The following FAM107B variants were observed in gnomAD, a reference collection of about 807,000 sequenced individuals.
FAM107B encodes the protein family with sequence similarity 107 member B.
Under a neutral mutation model 31.5 loss-of-function variants are expected in FAM107B, and 21 were observed. The ratio of observed to expected loss-of-function variants is 0.67; its 90% CI spans 0.47 to 0.96. The LOEUF (loss-of-function observed/expected upper bound fraction) is 0.96, where lower values mean the gene tolerates loss of function less well. Ranked by LOEUF, FAM107B falls within the 40% of genes least tolerant of loss-of-function variation. The pLI is 0.00. For synonymous variants in FAM107B, 157 were observed against 141.5 expected (o/e 1.11, Z -0.78); for missense variants, 452 against 377.1 (o/e 1.20, Z -1.64).
chr10:14,708,043 A>G (rs74589304), intron 1 of FAM107B, among the ~76,000 whole-genome samples: 2,943 of 150,728 alleles, frequency 0.02, 80 homozygotes, highest in African/African-American at 0.067. Context: ...TCTCCTTTCC[A>G]TTTCCAGCCC....
At chr10:14,534,263 G>A (rs145683726) in intron 2 of FAM107B, among the ~76,000 whole-genome samples, 1 of 152,172 alleles carries the variant, frequency 6.6e-6, no homozygotes, top group East Asian at 1.9e-4. Context: ...GTAACAAGGG[G>A]GTGAACGGGC....
At chr10:14,672,290 G>T (rs1854579517) in intron 1 of FAM107B, among the ~76,000 whole-genome samples, 1 of 151,984 alleles carries the variant, frequency 6.6e-6, no homozygotes, top group Non-Finnish European at 1.5e-5. Flanking sequence ...ATTTCACCAT[G>T]TTGGTCAAGC....
rs139583941 is a variant in FAM107B, at chr10:14,742,719, T to C, written c.411+31534A>G. ...GAGAGGTAGTAATGGCCATATTTCA[T>C]ATTTTAGCAATTCCACTGTGGATTC... On this transcript the variant is annotated intron_variant, in intron 1 of 4. Coordinates refer to ENST00000181796, the MANE Select transcript of FAM107B (RefSeq NM_031453.4). Among the ~76,000 whole-genome samples, 79 of 152,324 alleles carry C rather than the reference T, an allele frequency of 5.2e-4. No individual in the cohort carries two copies. In the East Asian group the frequency reaches 0.013, roughly 25 times the overall value.
chr10:14,623,038 C>T (rs746634382), intron 2 of FAM107B, among the ~76,000 whole-genome samples: 13 of 152,184 alleles, frequency 8.5e-5, no homozygotes, highest in Non-Finnish European at 1.6e-4. Context: ...CCATCTGATA[C>T]AATTCTCTTA....
chr10:14,737,852 A>AT (rs1420529776), intron 1 of FAM107B, among the ~76,000 whole-genome samples: 3 of 143,978 alleles, frequency 2.1e-5, no homozygotes, highest in Middle Eastern at 3.3e-3. Context: ...CAGTTCATTT[A>AT]TTTTTTTTTC....
At chr10:14,662,725 G>A (rs919280898) in intron 2 of FAM107B, among the ~76,000 whole-genome samples, 1 of 152,212 alleles carries the variant, frequency 6.6e-6, no homozygotes. Context: ...GCACCAATGT[G>A]TATGTGCCTG....
chr10:14,717,059 C>T (rs1274319374), intron 1 of FAM107B, among the ~76,000 whole-genome samples: 1 of 152,154 alleles, frequency 6.6e-6, no homozygotes. Flanking sequence ...CACTGCACTC[C>T]AGCCTGGGGG....
intron 2 of FAM107B, among the ~76,000 whole-genome samples, chr10:14,533,019 T>C (rs1387140161): frequency 6.6e-6 from 1 of 151,702 alleles, no homozygotes; most frequent in Non-Finnish European, 1.5e-5. Context: ...GGAGGGATGG[T>C]GAGGATATAG....
intron 1 of FAM107B, among the ~76,000 whole-genome samples, chr10:14,715,740 C>T (rs1855765203): frequency 6.6e-6 from 1 of 152,214 alleles, no homozygotes; most frequent in Admixed American, 6.5e-5. Flanking sequence ...TGGACATCAG[C>T]ACTCCTTGTT....
At chr10:14,571,725 T>C in intron 2 of FAM107B, 2 of 962,608 alleles carry the variant, frequency 2.1e-6, no homozygotes, top group Non-Finnish European at 2.5e-6. Context: ...GACTACATTA[T>C]TCAACAGCCA....
chr10:14,633,733 A>T (rs1171082811), intron 2 of FAM107B, among the ~76,000 whole-genome samples: 1 of 152,228 alleles, frequency 6.6e-6, no homozygotes, highest in Non-Finnish European at 1.5e-5. Flanking sequence ...TCTCAGAATT[A>T]TAATTTTCCA....
intron 2 of FAM107B, chr10:14,553,541 A>C (rs955869812): frequency 4.2e-5 from 15 of 359,984 alleles, no homozygotes; most frequent in Admixed American, 1.2e-4. Context: ...GGTCCCTGGT[A>C]CCAGGAACCA....
Position 14,559,929 on chromosome 10 carries a change from G to C in FAM107B, c.470-29414C>G, listed in dbSNP as rs573021360. ...GGAACTGTAAGAGCCTTCTCTAAAT[G>C]TGGAGAGAATAATACTAGTATAAAC... is the stretch of plus-strand genomic sequence containing the variant. On this transcript the variant is annotated intron_variant, in intron 2 of 4. Coordinates refer to ENST00000181796, the MANE Select transcript of FAM107B (RefSeq NM_031453.4). Among the ~76,000 whole-genome samples, 22 of 152,214 alleles carry C rather than the reference G, an allele frequency of 1.4e-4. No individual in the cohort carries two copies. The South Asian group carries it at 4.4e-3, about 30-fold the overall frequency.
At chr10:14,611,094 C>T (rs979926517) in intron 2 of FAM107B, among the ~76,000 whole-genome samples, 8 of 152,252 alleles carry the variant, frequency 5.3e-5, no homozygotes, top group East Asian at 1.9e-4. Context: ...CTGCATTTTA[C>T]GTTTTTTTCT....
intron 2 of FAM107B, among the ~76,000 whole-genome samples, chr10:14,598,412 G>A (rs1210037570): frequency 6.6e-6 from 1 of 152,196 alleles, no homozygotes; most frequent in Admixed American, 6.5e-5. Context: ...GCACGAGCAT[G>A]CATGAACCTG....
At chr10:14,745,495 A>G (rs2688865) in intron 1 of FAM107B, among the ~76,000 whole-genome samples, 56,116 of 151,738 alleles carry the variant, frequency 0.37, 10,763 homozygotes, top group African/African-American at 0.47. Flanking sequence ...ATTCTGGTAT[A>G]TTGTCTTTTT....
chr10:14,768,923 T>A (rs1271407404), intron 1 of FAM107B, among the ~76,000 whole-genome samples: 2 of 152,172 alleles, frequency 1.3e-5, no homozygotes, highest in African/African-American at 4.8e-5. Flanking sequence ...TTAGGTTTAT[T>A]ACCATGGCCT....
intron 2 of FAM107B, among the ~76,000 whole-genome samples, chr10:14,647,838 G>A (rs1001206963): frequency 6.6e-6 from 1 of 152,136 alleles, no homozygotes; most frequent in African/African-American, 2.4e-5. Flanking sequence ...AGTAAGGGCT[G>A]TCTCCAGATG....
intron 2 of FAM107B, among the ~76,000 whole-genome samples, chr10:14,583,925 C>T (rs1040528936): frequency 2.0e-5 from 3 of 152,130 alleles, no homozygotes; most frequent in Non-Finnish European, 4.4e-5. Flanking sequence ...TCGTGGTCAC[C>T]GTTGTTCATA....
Sources: gnomAD v4.1 joint callset for allele counts (sites outside exome capture counted in the v4.1 genomes callset) on GRCh38, gnomAD v4.1.1 for gene constraint, MANE v1.5 for transcripts, NCBI Gene and HGNC (gene_info 2026-07-23, HGNC 2026-07-21) for gene names.